MACF1: variants seen among roughly 807,000 people sequenced by gnomAD.
MACF1 encodes microtubule-actin cross-linking factor 1.
In MACF1, 193 loss-of-function variants were observed where a neutral mutation model predicts 854.8. The observed-to-expected ratio is 0.23, with a 90% CI of 0.20 to 0.25. The LOEUF (loss-of-function observed/expected upper bound fraction) is 0.25. Among genes scored for constraint, MACF1 ranks in the 10% least tolerant of loss-of-function variants. The pLI is 1.00. For synonymous variants in MACF1, 3,185 were observed against 3,226.7 expected, an observed-to-expected ratio of 0.99 and a Z score of 0.44; for missense variants, 7,722 against 8,929.1, an observed-to-expected ratio of 0.86 and a Z score of 5.45.
chr1:39,440,091 CT>C lies in MACF1; in HGVS notation c.18447+595del, dbSNP rs1184822528. Among the ~76,000 whole-genome samples, 3 of 109,084 alleles carry C rather than the reference CT, an allele frequency of 2.8e-5. No individual in the cohort carries two copies. In the East Asian group the frequency reaches 7.0e-4, roughly 26 times the overall value. 71.6% of individuals were successfully genotyped at this position (109,084 alleles called of 152,430 possible). On this transcript the variant is annotated intron_variant, in intron 72 of 100. Transcript: ENST00000564288. ...TTTGGTGCTATTTTTCTTTTCTTTT[CT>C]TTTCTTTTCTTTTCTTTTCTTTTTT... is the stretch of plus-strand genomic sequence containing the variant.
At chr1:39,274,991 C>T (rs1212645563) in intron 6 of MACF1, among the ~76,000 whole-genome samples, 1 of 150,666 alleles carries the variant, frequency 6.6e-6, no homozygotes, top group Admixed American at 6.6e-5. Flanking sequence ...ATAAGCAATT[C>T]ACAAAAAAAG....
intron 58 of MACF1, chr1:39,410,755 T>G: frequency 6.2e-7 from 1 of 1,613,966 alleles, no homozygotes; most frequent in South Asian, 1.1e-5. Context: ...TTCAAATCCT[T>G]CCTTGCAAGA....
At chr1:39,433,810 T>G (rs1643915659) in intron 68 of MACF1, among the ~76,000 whole-genome samples, 1 of 152,206 alleles carries the variant, frequency 6.6e-6, no homozygotes, top group African/African-American at 2.4e-5. Context: ...CCAGGCACGG[T>G]GGCTCACGCC....
intron 37 of MACF1, 118 bp downstream of exon 37, chr1:39,336,771 C>A: frequency 2.1e-6 from 2 of 942,064 alleles, no homozygotes; most frequent in Non-Finnish European, 3.0e-6. Context: ...CATTTTAAGG[C>A]ACTAGATGAT....
At chr1:39,163,834 G>T (rs368182979) in intron 2 of MACF1, among the ~76,000 whole-genome samples, 1 of 152,066 alleles carries the variant, frequency 6.6e-6, no homozygotes. Context: ...TTGGAAAAAA[G>T]ACTTTTTTGA....
chr1:39,393,175 G>A (rs1473849412), intron 58 of MACF1, among the ~76,000 whole-genome samples: 2 of 99,362 alleles, frequency 2.0e-5, no homozygotes, highest in African/African-American at 1.0e-4. Flanking sequence ...ACCTTCCTGG[G>A]AAGGGTAAAA....
intron 2 of MACF1, among the ~76,000 whole-genome samples, chr1:39,182,670 T>G (rs1306258131): frequency 6.6e-6 from 1 of 152,196 alleles, no homozygotes; most frequent in African/African-American, 2.4e-5. Flanking sequence ...AGATACCACT[T>G]CATACCCACT....
At position 39,205,159 on chromosome 1, in the gene MACF1, T is replaced by C. The variant is rs41270795; in HGVS notation, c.109+28T>C. On this transcript the variant is annotated intron_variant, in intron 1 of 100. Coordinates refer to ENST00000564288, the MANE Select transcript of MACF1 (RefSeq NM_001394062.1). ...AACTAACTGGTACCCAGTTATTCTT[T>C]AAATCTACTGTGGGGCTTTTGAGGG... 7.5e-3 allele frequency: 5,257 copies of C among 702,856 alleles called. 43 individuals are homozygous for C. The highest frequency in any genetic ancestry group is 0.023 in the Middle Eastern group (101 of 4,370). 43.5% of individuals were successfully genotyped at this position (702,856 alleles called of 1,614,324 possible).
chr1:39,255,667 T>C (rs1191168078), intron 5 of MACF1, among the ~76,000 whole-genome samples: 1 of 152,254 alleles, frequency 6.6e-6, no homozygotes, highest in Non-Finnish European at 1.5e-5. Flanking sequence ...AATAAGATCT[T>C]AACATTTCAC....
At chr1:39,419,445 C>T (rs1643447581) in intron 58 of MACF1, among the ~76,000 whole-genome samples, 1 of 152,140 alleles carries the variant, frequency 6.6e-6, no homozygotes, top group Non-Finnish European at 1.5e-5. Flanking sequence ...AAGAAATGCT[C>T]ATTGGAGCAT....
intron 66 of MACF1, among the ~76,000 whole-genome samples, chr1:39,432,204 T>C (rs1643887133): frequency 6.6e-6 from 1 of 152,242 alleles, no homozygotes; most frequent in Non-Finnish European, 1.5e-5. Flanking sequence ...CTGTTCCATG[T>C]CTGGGTAGGA....
At chr1:39,441,462 A>G in intron 74 of MACF1, 137 bp downstream of exon 74, 1 of 674,454 alleles carries the variant, frequency 1.5e-6, no homozygotes, top group Non-Finnish European at 2.5e-6. Context: ...CCACAAATTT[A>G]GCCAAAGTTC....
intron 69 of MACF1, among the ~76,000 whole-genome samples, chr1:39,434,970 C>T (rs539260897): frequency 1.3e-5 from 2 of 152,306 alleles, no homozygotes; most frequent in Non-Finnish European, 2.9e-5. Context: ...CTTAGTTAGG[C>T]ACCAACTGGA....
At position 39,387,575 on chromosome 1, in the gene MACF1, T is replaced by C. The variant is rs370194996; in HGVS notation, c.14733T>C (p.His4911=). The change falls in exon 58 of 101, where the codon CAT becomes CAC. Residue 4911 remains histidine (H), a synonymous_variant. Coordinates refer to ENST00000564288, the MANE Select transcript of MACF1 (RefSeq NM_001394062.1). The part of the protein sequence containing the change: ...CMQKAQKYQW[H]VEDLVPWIED... ...AGAAAGCTCAGAAATATCAGTGGCA[T>C]GTGGAAGACCTTGTGCCATGGATAG... The C allele has an allele frequency of 8.4e-5, 136 of 1,614,144 alleles. 2 individuals are homozygous for C. The highest frequency in any genetic ancestry group is 8.2e-4 in the East Asian group (37 of 44,886).
intron 2 of MACF1, among the ~76,000 whole-genome samples, chr1:39,123,869 C>T (rs1178602496): frequency 2.6e-5 from 4 of 151,526 alleles, no homozygotes; most frequent in Admixed American, 1.3e-4. Flanking sequence ...GGATTATAGG[C>T]GCATGCTACC....
chr1:39,099,145 C>T (rs962658166), intron 2 of MACF1, among the ~76,000 whole-genome samples: 1 of 152,200 alleles, frequency 6.6e-6, no homozygotes, highest in Admixed American at 6.5e-5. Flanking sequence ...CACACACACT[C>T]ACTACTAGCA....
chr1:39,192,166 CAAAA>C (rs1351415240), intron 2 of MACF1, among the ~76,000 whole-genome samples: 1 of 151,982 alleles, frequency 6.6e-6, no homozygotes, highest in African/African-American at 2.4e-5. Context: ...AAGAAAAAAA[CAAAA>C]AACTTAAAAA....
At chr1:39,441,551 A>G (rs1338439127) in intron 74 of MACF1, among the ~76,000 whole-genome samples, 1 of 152,190 alleles carries the variant, frequency 6.6e-6, no homozygotes, top group Non-Finnish European at 1.5e-5. Flanking sequence ...CCTGCTCATC[A>G]TAGATTCATT....
intron 43 of MACF1, among the ~76,000 whole-genome samples, chr1:39,351,953 A>C (rs1409597172): frequency 6.6e-6 from 1 of 152,108 alleles, no homozygotes; most frequent in Non-Finnish European, 1.5e-5. Context: ...ATATCTATGA[A>C]GTCTTAGTGA....
Sources: allele counts gnomAD v4.1 joint callset (sites outside exome capture counted in the v4.1 genomes callset), GRCh38; gene constraint gnomAD v4.1.1; transcripts MANE v1.5; gene names NCBI Gene and HGNC (gene_info 2026-07-23, HGNC 2026-07-21).